Variants in FBLN1 observed in about 807,000 individuals in gnomAD.
FBLN1 encodes the protein fibulin-1.
A neutral mutation model predicts 89.7 loss-of-function variants in FBLN1; 34 were observed. That is an observed-to-expected ratio of 0.38 (90% CI 0.29 to 0.50). The LOEUF (loss-of-function observed/expected upper bound fraction) is 0.50. Ranked by LOEUF, FBLN1 falls within the 20% of genes least tolerant of loss-of-function variation. The probability of loss-of-function intolerance (pLI) is 0.92; values close to 1 mark genes in which losing one functional copy is unlikely to be tolerated. For missense variants in FBLN1, 777 were observed against 988.1 expected (o/e 0.79, Z 2.86); for synonymous variants, 393 against 391.3 (o/e 1.00, Z -0.05).
In FBLN1 at chr22:45,542,261, C is replaced by T. The variant is rs139236558; in HGVS notation, c.1173C>T (p.Asp391=). 2.5e-4 allele frequency: 405 copies of T among 1,613,924 alleles called. No homozygotes were observed. Among genetic ancestry groups the T allele is most frequent in the Middle Eastern group, 4.9e-4 (3 of 6,084 alleles). ...AATGCAAGACGGGTTACTATTTTGA[C>T]GGCATCAGCAGGATGTGTGTCGGTG... ...RCECKTGYYF[D]GISRMCVDVN... Residue 391 remains aspartate (D), a synonymous_variant, in exon 10 of 17, where the codon GAC becomes GAT. Coordinates refer to ENST00000327858, the MANE Select transcript of FBLN1 (RefSeq NM_006486.3).
Position 45,521,986 on chromosome 22 carries a change from CT to C in FBLN1, c.185+3210del, listed in dbSNP as rs900915523. ...GGTTTGTCTGTTGTGTTAGCCAGCT[CT>C]TTTTTTTTTTCTTTTTGAGATGGAG... On this transcript the variant is annotated intron_variant, in intron 2 of 16. Coordinates refer to ENST00000327858, the MANE Select transcript of FBLN1 (RefSeq NM_006486.3). Among the ~76,000 whole-genome samples the C allele has an allele frequency of 1.6e-4, 23 of 147,184 alleles. No homozygotes were observed. In the East Asian group the frequency reaches 1.8e-3, roughly 11 times the overall value.
rs1260142864 is a variant in FBLN1 at position 45,548,635 on chromosome 22, C to G, written c.1464C>G (p.Pro488=). 6.2e-7 allele frequency: 1 copy of G among 1,613,770 alleles called. No individual in the cohort carries two copies. The change falls in exon 13 of 17, where the codon CCC becomes CCG. Residue 488 remains proline (P), a synonymous_variant. Coordinates refer to ENST00000327858, the MANE Select transcript of FBLN1 (RefSeq NM_006486.3). ...CAGACATCGACGAGTGCGCCCTGCCCACCGGGGGCCACATCTGCTCCTACC... is the reference window on the plus strand; with the variant it reads ...CAGACATCGACGAGTGCGCCCTGCCGACCGGGGGCCACATCTGCTCCTACC... ...TCEDIDECAL[P]TGGHICSYRC...
In FBLN1 at chr22:45,549,210, T is replaced by C. The variant is rs1212265579; in HGVS notation, c.1573+466T>C. Among the ~76,000 whole-genome samples the C allele has an allele frequency of 6.6e-6, 1 of 152,192 alleles. No individual in the cohort carries two copies. The highest frequency in any genetic ancestry group is 1.5e-5 in the Non-Finnish European group (1 of 68,016). The stretch of plus-strand genomic sequence containing the variant: ...GCATTGGTTCTGCATTCAGCCCCCT[T>C]TTCTACGAATGCTCTAGGGGGCAGT... On this transcript the variant is annotated intron_variant, in intron 13 of 16. Coordinates refer to ENST00000327858, the MANE Select transcript of FBLN1 (RefSeq NM_006486.3). This position sits in a 1 kb window ranked among gnomAD's most constrained non-coding sequence, Gnocchi z 5.7.
rs1443889796 is a variant in FBLN1, at chr22:45,572,316, C to G, written c.1698-2195C>G. Among the ~76,000 whole-genome samples, 3 of 152,054 alleles carry G rather than the reference C, an allele frequency of 2.0e-5. No individual in the cohort carries two copies. The highest frequency in any genetic ancestry group is 4.8e-5 in the African/African-American group (2 of 41,408). On this transcript the variant is annotated intron_variant, in intron 14 of 16. Transcript: ENST00000327858. The surrounding 1 kb of genome is among the most constrained non-coding windows in gnomAD (Gnocchi z 5.8). ...GGGCTGGGCCAAAAGGACCCAGGAG[C>G]CAACTTCATTTTCCCTCTGGCAAGA... is the stretch of plus-strand genomic sequence containing the variant.
intron 2 of FBLN1, among the ~76,000 whole-genome samples, chr22:45,520,986 T>TTG (rs1430377742): frequency 6.6e-6 from 1 of 152,056 alleles, no homozygotes; most frequent in Non-Finnish European, 1.5e-5. Context: ...AGGCTAATTT[T>TTG]TGTATTTTTA....
At chr22:45,518,550 C>CT (rs11421543) in intron 1 of FBLN1, 132 bp from the exon 2 acceptor site, 300,417 of 726,004 alleles carry the variant, frequency 0.41, 64,176 homozygotes, top group East Asian at 0.51. Context: ...TGCAGAGTGA[C>CT]TAAGGGATGT....
chr22:45,591,527 T>C (rs1365176922), intron 16 of FBLN1, among the ~76,000 whole-genome samples: 1 of 152,166 alleles, frequency 6.6e-6, no homozygotes, highest in East Asian at 1.9e-4. Context: ...TTTATAACCA[T>C]CAAGAAATAC....
rs144377827 is a variant in FBLN1 at position 45,548,821 on chromosome 22, C to T, written c.1573+77C>T. The stretch of plus-strand genomic sequence containing the variant: ...AATGTCGTGGGGCTGAGGCTGGGCT[C>T]GGGGGCTGTGCTTCCCCAACCCAAG... On this transcript the variant is annotated intron_variant, in intron 13 of 16. Transcript: ENST00000327858. 13,879 of 1,588,738 alleles carry T rather than the reference C, an allele frequency of 8.7e-3. 82 individuals are homozygous for T. The highest frequency in any genetic ancestry group is 0.011 in the Non-Finnish European group (12,551 of 1,172,130).
intron 14 of FBLN1, among the ~76,000 whole-genome samples, chr22:45,558,908 G>C (rs2088820499): frequency 6.6e-6 from 1 of 152,210 alleles, no homozygotes; most frequent in Non-Finnish European, 1.5e-5. Flanking sequence ...AGTCCAGTGT[G>C]TTTGCTACTT....
At chr22:45,527,564 A>G (rs1277953731) in intron 3 of FBLN1, among the ~76,000 whole-genome samples, 1 of 148,652 alleles carries the variant, frequency 6.7e-6, no homozygotes, top group East Asian at 2.1e-4. Flanking sequence ...CGGGGCAGGG[A>G]TGTTGAGGGG....
intron 1 of FBLN1, 111 bp downstream of exon 1, chr22:45,503,175 G>A: frequency 1.2e-6 from 1 of 856,740 alleles, no homozygotes; most frequent in Non-Finnish European, 1.5e-6. Flanking sequence ...GTTGCCCTGC[G>A]CGGCGCCCCC....
rs1233563053 is a variant in FBLN1 at position 45,579,132 on chromosome 22, C to T, written c.1972+2024C>T. 6.6e-6 allele frequency among the ~76,000 whole-genome samples: 1 copy of T among 152,244 alleles called. No homozygotes were observed. The highest frequency in any genetic ancestry group is 1.5e-5 in the Non-Finnish European group (1 of 68,044). ...GGTTGGGCAGCTGCTGGGCCTAGAA[C>T]CAGCACCCACCAGCGCCTTTCTCTG... On this transcript the variant is annotated intron_variant, in intron 16 of 16. Coordinates refer to ENST00000327858, the MANE Select transcript of FBLN1 (RefSeq NM_006486.3). This position sits in a 1 kb window ranked among gnomAD's most constrained non-coding sequence, Gnocchi z 5.5.
chr22:45,517,481 C>T, intron 1 of FBLN1: 1 of 461,608 alleles, frequency 2.2e-6, no homozygotes, highest in South Asian at 1.6e-5. Flanking sequence ...GGGCATGGGG[C>T]ACAAGGGCCT....
intron 1 of FBLN1, among the ~76,000 whole-genome samples, chr22:45,505,480 G>A (rs774870615): frequency 2.4e-4 from 36 of 152,208 alleles, no homozygotes; most frequent in Non-Finnish European, 4.7e-4. Context: ...TCTGGCTCAC[G>A]CCCCGCTCCT....
intron 8 of FBLN1, chr22:45,535,558 C>T (rs955617020): frequency 3.6e-6 from 2 of 553,314 alleles, no homozygotes; most frequent in East Asian, 3.3e-5. Flanking sequence ...TAGTCTAAAG[C>T]GGCCAAGGGC....
intron 8 of FBLN1, among the ~76,000 whole-genome samples, chr22:45,538,717 TG>T (rs2088515047): frequency 6.6e-6 from 1 of 152,120 alleles, no homozygotes; most frequent in South Asian, 2.1e-4. Context: ...CCCACACCTC[TG>T]CCCATGGTAC....
rs1021058531 is a variant in FBLN1 at position 45,581,582 on chromosome 22, G to A, written c.1972+4474G>A. Among the ~76,000 whole-genome samples the A allele has an allele frequency of 2.0e-5, 3 of 152,152 alleles. No individual in the cohort carries two copies. Among genetic ancestry groups the A allele is most frequent in the Non-Finnish European group, 4.4e-5 (3 of 68,044 alleles). On this transcript the variant is annotated intron_variant, in intron 16 of 16. Transcript: ENST00000327858. The surrounding 1 kb of genome is among the most constrained non-coding windows in gnomAD (Gnocchi z 7.6). ...TGAAGTAATTCTTTGGCCTACGGACGAATTTTGCATGTGGACCTCCTGACC... is the reference window on the plus strand; with the variant it reads ...TGAAGTAATTCTTTGGCCTACGGACAAATTTTGCATGTGGACCTCCTGACC...
chr22:45,552,798 C>G (rs2088721622), intron 14 of FBLN1, among the ~76,000 whole-genome samples: 1 of 152,218 alleles, frequency 6.6e-6, no homozygotes, highest in Non-Finnish European at 1.5e-5. Context: ...AGGGCTCGGC[C>G]TTGTGGACAG....
In FBLN1 at chr22:45,600,752, A is replaced by G. The variant is rs1920925931; in HGVS notation, c.*306A>G. On this transcript the variant is annotated 3_prime_UTR_variant, in exon 17 of 17. Coordinates refer to ENST00000327858, the MANE Select transcript of FBLN1 (RefSeq NM_006486.3). The stretch of plus-strand genomic sequence containing the variant: ...TGCTAAGGGCCAAGGAAAGAAAGAC[A>G]TTTTTTAGGGGGCAGCCAGTCCAAA... 2.4e-6 allele frequency: 1 copy of G among 423,622 alleles called. No homozygotes were observed. Among genetic ancestry groups the G allele is most frequent in the Admixed American group, 3.7e-5 (1 of 27,396 alleles). 26.2% of individuals were successfully genotyped at this position (423,622 alleles called of 1,614,324 possible). A position where few individuals can be genotyped will look rare whatever the true frequency, so the allele number is the denominator to read the frequency against.
Sources: gnomAD v4.1 joint callset for allele counts (sites outside exome capture counted in the v4.1 genomes callset) on GRCh38, gnomAD v4.1.1 for gene constraint, Gnocchi (gnomAD v3.1) non-coding constraint, MANE v1.5 for transcripts, NCBI Gene and HGNC (gene_info 2026-07-23, HGNC 2026-07-21) for gene names.